The following PI15 variants were observed in gnomAD, a reference collection of about 807,000 sequenced individuals.
PI15 encodes 25 kDa trypsin inhibitor.
A neutral mutation model predicts 31.0 loss-of-function variants in PI15; 18 were observed. The observed-to-expected ratio is 0.58, with a 90% confidence interval of 0.40 to 0.86. The LOEUF (loss-of-function observed/expected upper bound fraction) is 0.86. Ranked by LOEUF, PI15 falls within the 40% of genes least tolerant of loss-of-function variation. The pLI, the probability that PI15 is intolerant of heterozygous loss-of-function variation, is 0.00. For missense variants in PI15, 282 were observed against 328.1 expected, an observed-to-expected ratio of 0.86 and a Z score of 1.09; for synonymous variants, 118 against 119.1, an observed-to-expected ratio of 0.99 and a Z score of 0.06.
At chr8:74,828,776 G>A (rs1288622566) in intron 2 of PI15, among the ~76,000 whole-genome samples, 2 of 151,900 alleles carry the variant, frequency 1.3e-5, no homozygotes, top group Non-Finnish European at 2.9e-5. Context: ...TTTGGCTCAG[G>A]GCTTCTAATT....
Position 74,851,155 on chromosome 8 carries a change from GA to G in PI15, c.*1903del, listed in dbSNP as rs1163071150. 1.3e-5 allele frequency: 2 copies of G among 152,462 alleles called. No individual in the cohort carries two copies. The highest frequency in any genetic ancestry group is 4.8e-5 in the African/African-American group (2 of 41,428). 9.4% of individuals were successfully genotyped at this position (152,462 alleles called of 1,614,324 possible). On this transcript the variant is annotated 3_prime_UTR_variant, in exon 6 of 6. Coordinates refer to ENST00000260113, the MANE Select transcript of PI15 (RefSeq NM_015886.5). The stretch of plus-strand genomic sequence containing the variant: ...CTCTGCCTTTGTGGGCACATATGTA[GA>G]CACTACTAAAAATAAATATTTTTGG...
intron 2 of PI15, among the ~76,000 whole-genome samples, 190 bp from the exon 3 acceptor site, chr8:74,843,791 G>A (rs1013953248): frequency 6.6e-6 from 1 of 152,054 alleles, no homozygotes; most frequent in Non-Finnish European, 1.5e-5. Context: ...TTGACCCCGG[G>A]GAGGCAGAGG....
chr8:74,832,739 T>G lies in PI15; in HGVS notation c.273+7217T>G, dbSNP rs1011366049. On this transcript the variant is annotated intron_variant, in intron 2 of 5. Transcript: ENST00000260113. ...GAGGCTTGGAGGGATAGGATTTGAA[T>G]TCTTCCAGTCTATGTTATCCATAGT... Among the ~76,000 whole-genome samples, 36 of 150,782 alleles carry G rather than the reference T, an allele frequency of 2.4e-4. 1 individual carries two copies. The highest frequency in any genetic ancestry group is 8.6e-4 in the African/African-American group (35 of 40,566).
At chr8:74,829,376 T>TA (rs139569434) in intron 2 of PI15, among the ~76,000 whole-genome samples, 2,246 of 152,194 alleles carry the variant, frequency 0.015, 56 homozygotes, top group African/African-American at 0.051. Context: ...GTTTATTGAC[T>TA]ATTTCCAGAG....
chr8:74,836,693 C>A (rs1810877350), intron 2 of PI15, among the ~76,000 whole-genome samples: 1 of 151,980 alleles, frequency 6.6e-6, no homozygotes, highest in Non-Finnish European at 1.5e-5. Flanking sequence ...GGTCATGAAA[C>A]CAAGGGATGA....
chr8:74,837,497 C>T (rs1251740187), intron 2 of PI15, among the ~76,000 whole-genome samples: 3 of 152,074 alleles, frequency 2.0e-5, no homozygotes, highest in Non-Finnish European at 4.4e-5. Flanking sequence ...AGGATAAATC[C>T]GTTAATTTTA....
rs768314134 is a variant in PI15 at position 74,849,260 on chromosome 8, C to A, written c.*7C>A. On this transcript the variant is annotated 3_prime_UTR_variant, in exon 6 of 6. Transcript: ENST00000260113. ...CCTGTACTGGTTTAAATAAGTTTAC[C>A]TTTTCCTCCAGGAAATATAATGATT... The A allele has an allele frequency of 6.2e-6, 10 of 1,606,062 alleles. No individual in the cohort carries two copies. Among genetic ancestry groups the A allele is most frequent in the Non-Finnish European group, 8.5e-6 (10 of 1,174,864 alleles).
intron 2 of PI15, among the ~76,000 whole-genome samples, chr8:74,834,219 C>A (rs1810829110): frequency 6.6e-6 from 1 of 152,170 alleles, no homozygotes; most frequent in African/African-American, 2.4e-5. Flanking sequence ...CTGCGTTCAT[C>A]TCTCCTGTTT....
intron 2 of PI15, among the ~76,000 whole-genome samples, chr8:74,838,177 C>G (rs958632570): frequency 6.6e-6 from 1 of 151,198 alleles, no homozygotes. Flanking sequence ...AGAAATGTAG[C>G]GATTCATTTC....
chr8:74,844,972 G>A lies in PI15; in HGVS notation c.393-156G>A, dbSNP rs531765867. On this transcript the variant is annotated intron_variant, in intron 3 of 5. Transcript: ENST00000260113. Reference sequence around the variant, plus strand: ...CTTGGCCCTAGTTGGAGGAATAGAGGACCCGACTAGGTGGTGATGGTGATT... The same window carrying A: ...CTTGGCCCTAGTTGGAGGAATAGAGAACCCGACTAGGTGGTGATGGTGATT... 441 of 638,752 alleles carry A rather than the reference G, an allele frequency of 6.9e-4. 2 individuals carry two copies. Among genetic ancestry groups the A allele is most frequent in the Admixed American group, 1.3e-3 (48 of 36,720 alleles). 39.6% of individuals were successfully genotyped at this position (638,752 alleles called of 1,614,324 possible). A position where few individuals can be genotyped will look rare whatever the true frequency, so the allele number is the denominator to read the frequency against.
intron 3 of PI15, among the ~76,000 whole-genome samples, chr8:74,844,681 A>C (rs1464111701): frequency 6.6e-6 from 1 of 152,088 alleles, no homozygotes; most frequent in African/African-American, 2.4e-5. Context: ...ATCTCCCCCA[A>C]ATAGGGAAGG....
rs1226202944 is a variant in PI15 at position 74,853,321 on chromosome 8, T to C, written c.*4068T>C. On this transcript the variant is annotated 3_prime_UTR_variant, in exon 6 of 6. Coordinates refer to ENST00000260113, the MANE Select transcript of PI15 (RefSeq NM_015886.5). ...GCTTTAGTAATGCTCCTTTTATTCA[T>C]TGCTAAATTTAGTGTTATCCATTTG... 1 of 152,542 alleles carries C rather than the reference T, an allele frequency of 6.6e-6. No homozygotes were observed. Among genetic ancestry groups the C allele is most frequent in the Non-Finnish European group, 1.5e-5 (1 of 67,960 alleles). 9.4% of individuals were successfully genotyped at this position (152,542 alleles called of 1,614,324 possible). A position where few individuals can be genotyped will look rare whatever the true frequency, so the allele number is the denominator to read the frequency against.
At chr8:74,828,964 T>C (rs1019079480) in intron 2 of PI15, among the ~76,000 whole-genome samples, 2 of 152,264 alleles carry the variant, frequency 1.3e-5, no homozygotes, top group African/African-American at 2.4e-5. Flanking sequence ...TTTTGAGCTG[T>C]GGTAGCCCTT....
chr8:74,826,782 A>G (rs1339112679), intron 2 of PI15, among the ~76,000 whole-genome samples: 1 of 152,076 alleles, frequency 6.6e-6, no homozygotes, highest in Non-Finnish European at 1.5e-5. Context: ...TCTGCCACAC[A>G]GCATTGTTGT....
chr8:74,825,180 A>T, intron 1 of PI15, 30 bp from the exon 2 acceptor site: 3 of 1,360,146 alleles, frequency 2.2e-6, no homozygotes, highest in Non-Finnish European at 3.1e-6. Flanking sequence ...TTTTTTTCAT[A>T]GACCCTAACT....
chr8:74,845,187 T>C lies in PI15; in HGVS notation c.452T>C (p.Phe151Ser). The change falls in exon 4 of 6, where the codon TTT becomes TCT. Residue 151 changes from phenylalanine (F) to serine (S), a missense_variant. By Grantham distance (155) the Phe-to-Ser change is radical (BLOSUM62 -2). Coordinates refer to ENST00000260113, the MANE Select transcript of PI15 (RefSeq NM_015886.5). ...TATGATGAAGTGAAAGATTATGCTT[T>C]TCCATATCCCCAGGATTGCAACCCC... ...PWYDEVKDYA[F>S]PYPQDCNPRC... 6.2e-7 allele frequency: 1 copy of C among 1,612,986 alleles called. No individual in the cohort carries two copies. Among genetic ancestry groups the C allele is most frequent in the Non-Finnish European group, 8.5e-7 (1 of 1,178,896 alleles).
At chr8:74,825,146 T>G in intron 1 of PI15, 64 bp from the exon 2 acceptor site, 1 of 907,916 alleles carries the variant, frequency 1.1e-6, no homozygotes, top group Non-Finnish European at 1.7e-6. Flanking sequence ...GATGTCTTTG[T>G]AAATTCATAC....
chr8:74,826,823 C>A (rs1810706583), intron 2 of PI15, among the ~76,000 whole-genome samples: 1 of 151,946 alleles, frequency 6.6e-6, no homozygotes, highest in Admixed American at 6.6e-5. Context: ...AGTAATCAGA[C>A]CAGAGCCTGT....
intron 2 of PI15, among the ~76,000 whole-genome samples, chr8:74,842,747 C>T (rs1276912140): frequency 6.6e-6 from 1 of 152,124 alleles, no homozygotes; most frequent in East Asian, 1.9e-4. Flanking sequence ...ATCCACGGCT[C>T]ATTCAAATTT....
Sources: gnomAD v4.1 joint callset for allele counts (sites outside exome capture counted in the v4.1 genomes callset) on GRCh38, gnomAD v4.1.1 for gene constraint, MANE v1.5 for transcripts, NCBI Gene and HGNC (gene_info 2026-07-23, HGNC 2026-07-21) for gene names.